The following NSMCE2 variants were observed in gnomAD, a reference collection of about 807,000 sequenced individuals.
The protein encoded by NSMCE2 is E3 SUMO-protein ligase NSE2.
In NSMCE2, 24 loss-of-function variants were observed where a neutral mutation model predicts 23.8. That is an observed-to-expected ratio of 1.01 (90% confidence interval 0.73 to 1.42). The LOEUF is 1.42. Among genes scored for constraint, NSMCE2 ranks in the 40% most tolerant of loss-of-function variants. The pLI is 0.00. For missense variants in NSMCE2, 284 were observed against 296.5 expected (o/e 0.96, Z 0.31); for synonymous variants, 92 against 94.1 (o/e 0.98, Z 0.13).
At chr8:125,268,690 AC>A (rs560536426) in intron 5 of NSMCE2, among the ~76,000 whole-genome samples, 73 of 152,300 alleles carry the variant, frequency 4.8e-4, no homozygotes, top group African/African-American at 1.7e-3. Context: ...ATGCACATAC[AC>A]CCATTGCCTA....
chr8:125,351,059 G>A (rs1244045441), intron 5 of NSMCE2, among the ~76,000 whole-genome samples: 2 of 152,332 alleles, frequency 1.3e-5, no homozygotes, highest in African/African-American at 4.8e-5. Flanking sequence ...TGGATTGGAT[G>A]TGAGGAATGA....
intron 5 of NSMCE2, among the ~76,000 whole-genome samples, chr8:125,211,586 T>C (rs1824348562): frequency 2.0e-5 from 3 of 152,210 alleles, no homozygotes; most frequent in Non-Finnish European, 4.4e-5. Context: ...TAGGCCTGTA[T>C]CTGTAAGGTA....
intron 5 of NSMCE2, among the ~76,000 whole-genome samples, chr8:125,314,352 CG>C (rs1178332027): frequency 1.3e-5 from 2 of 152,108 alleles, no homozygotes; most frequent in African/African-American, 2.4e-5. Context: ...TCCAGTGGCA[CG>C]ATCTCAGGTC....
intron 4 of NSMCE2, among the ~76,000 whole-genome samples, chr8:125,177,828 ATC>A (rs1265076443): frequency 6.6e-6 from 1 of 151,938 alleles, no homozygotes; most frequent in African/African-American, 2.4e-5. Context: ...TTCCTTTTGC[ATC>A]TCTCTTCTTT....
At chr8:125,309,875 A>G (rs563289224) in intron 5 of NSMCE2, among the ~76,000 whole-genome samples, 2 of 152,350 alleles carry the variant, frequency 1.3e-5, no homozygotes, top group South Asian at 2.1e-4. Flanking sequence ...GCATGATCTA[A>G]TAAGATTGGA....
At chr8:125,191,326 T>G (rs1315364359) in intron 5 of NSMCE2, among the ~76,000 whole-genome samples, 1 of 152,220 alleles carries the variant, frequency 6.6e-6, no homozygotes, top group Non-Finnish European at 1.5e-5. Flanking sequence ...GCCCATGTTC[T>G]TTCCCACATA....
At chr8:125,272,815 A>G (rs1208460382) in intron 5 of NSMCE2, among the ~76,000 whole-genome samples, 5 of 119,434 alleles carry the variant, frequency 4.2e-5, no homozygotes, top group East Asian at 2.1e-4. Flanking sequence ...ACACACACGT[A>G]TATATATACA....
chr8:125,112,636 G>C (rs1390053671), intron 3 of NSMCE2, among the ~76,000 whole-genome samples: 1 of 152,142 alleles, frequency 6.6e-6, no homozygotes, highest in Non-Finnish European at 1.5e-5. Context: ...AAATAAGCCA[G>C]TCACAGAAAG....
intron 5 of NSMCE2, among the ~76,000 whole-genome samples, chr8:125,272,739 A>G (rs1303828461): frequency 6.0e-5 from 8 of 133,132 alleles, no homozygotes; most frequent in East Asian, 2.0e-4. Context: ...ACACACACAC[A>G]CATATATATA....
At chr8:125,144,466 G>A (rs138242898) in intron 3 of NSMCE2, among the ~76,000 whole-genome samples, 1 of 152,196 alleles carries the variant, frequency 6.6e-6, no homozygotes, top group East Asian at 1.9e-4. Flanking sequence ...GAACAAATAC[G>A]GTATGAACAG....
chr8:125,207,570 T>A (rs925512630), intron 5 of NSMCE2, among the ~76,000 whole-genome samples: 2 of 152,244 alleles, frequency 1.3e-5, no homozygotes, highest in Admixed American at 6.5e-5. Context: ...TGTCCAGTTT[T>A]AAATTAAATG....
intron 5 of NSMCE2, among the ~76,000 whole-genome samples, chr8:125,242,988 C>T (rs1375646903): frequency 6.6e-6 from 1 of 152,006 alleles, no homozygotes; most frequent in African/African-American, 2.4e-5. Context: ...TTTGATAGAA[C>T]ACTCACAATT....
chr8:125,195,757 T>C (rs1470358627), intron 5 of NSMCE2, among the ~76,000 whole-genome samples: 2 of 152,158 alleles, frequency 1.3e-5, no homozygotes, highest in Admixed American at 6.6e-5. Context: ...AAAACAAATA[T>C]GCCTATTTAT....
intron 3 of NSMCE2, among the ~76,000 whole-genome samples, chr8:125,130,681 G>A (rs1467337595): frequency 6.6e-6 from 1 of 152,082 alleles, no homozygotes; most frequent in East Asian, 1.9e-4. Context: ...GTGTATGTAG[G>A]CTAATGTATG....
chr8:125,145,353 A>T (rs1048759814), intron 3 of NSMCE2, among the ~76,000 whole-genome samples: 1 of 152,144 alleles, frequency 6.6e-6, no homozygotes, highest in African/African-American at 2.4e-5. Flanking sequence ...ATCAGGGATT[A>T]TCTGTGCCCT....
intron 5 of NSMCE2, among the ~76,000 whole-genome samples, chr8:125,236,680 A>T (rs1441254086): frequency 6.6e-6 from 1 of 152,170 alleles, no homozygotes; most frequent in African/African-American, 2.4e-5. Flanking sequence ...TAAATTTTTA[A>T]ACAATTGTCA....
At chr8:125,299,804 C>CTTTTTTTTCTTT (rs1828479367) in intron 5 of NSMCE2, among the ~76,000 whole-genome samples, 1 of 70,242 alleles carries the variant, frequency 1.4e-5, no homozygotes, top group Non-Finnish European at 2.6e-5. Context: ...TTTTGGCTTT[C>CTTTTTTTTCTTT]TTTTTTTTTT....
intron 5 of NSMCE2, among the ~76,000 whole-genome samples, chr8:125,185,805 T>C (rs1039393077): frequency 7.9e-5 from 12 of 152,246 alleles, no homozygotes; most frequent in Non-Finnish European, 1.5e-5. Context: ...GAAAAATTAT[T>C]GAGAAGAGTG....
At chr8:125,163,083 A>G (rs181696073) in intron 4 of NSMCE2, among the ~76,000 whole-genome samples, 2 of 152,244 alleles carry the variant, frequency 1.3e-5, no homozygotes, top group Admixed American at 6.5e-5. Context: ...TATACTTTCT[A>G]AGGCCAGGCT....
Sources: allele counts gnomAD v4.1 joint callset (sites outside exome capture counted in the v4.1 genomes callset), GRCh38; gene constraint gnomAD v4.1.1; transcripts MANE v1.5; gene names NCBI Gene and HGNC (gene_info 2026-07-23, HGNC 2026-07-21).